Variants in PIK3R5 observed in about 807,000 individuals in gnomAD.
PIK3R5 encodes the protein phosphoinositide-3-kinase regulatory subunit 5.
Under a neutral mutation model 94.9 loss-of-function variants are expected in PIK3R5, and 32 were observed. The ratio of observed to expected loss-of-function variants is 0.34; its 90% CI spans 0.25 to 0.45. The LOEUF is 0.45. Among genes scored for constraint, PIK3R5 ranks in the 20% least tolerant of loss-of-function variants. The pLI is 1.00. For missense variants in PIK3R5, 853 were observed against 1,144.6 expected, an observed-to-expected ratio of 0.75 and a Z score of 3.68; for synonymous variants, 443 against 479.4, an observed-to-expected ratio of 0.92 and a Z score of 0.99.
intron 13 of PIK3R5, 65 bp downstream of exon 13, chr17:8,886,412 G>T: frequency 6.2e-7 from 1 of 1,601,582 alleles, no homozygotes; most frequent in Admixed American, 1.7e-5. Context: ...CTCTCCCGGG[G>T]CAGGGGTGGG....
chr17:8,887,758 T>C (rs449373), intron 10 of PIK3R5, 75 bp from the exon 11 acceptor site: 190,257 of 1,404,516 alleles, frequency 0.14, 17,134 homozygotes, highest in African/African-American at 0.41. Flanking sequence ...TTTGGGAGGC[T>C]GAGGTGGGTG....
At position 8,893,484 on chromosome 17, in the gene PIK3R5, G is replaced by T; in HGVS notation, c.482+102C>A. 1.1e-6 allele frequency: 1 copy of T among 903,826 alleles called. No homozygotes were observed. Among genetic ancestry groups the T allele is most frequent in the East Asian group, 2.5e-5 (1 of 40,392 alleles). 56.0% of individuals were successfully genotyped at this position (903,826 alleles called of 1,614,324 possible). A position where few individuals can be genotyped will look rare whatever the true frequency, so the allele number is the denominator to read the frequency against. On this transcript the variant is annotated intron_variant, in intron 6 of 18. Coordinates refer to ENST00000447110, the MANE Select transcript of PIK3R5 (RefSeq NM_001142633.3). This position sits in a 1 kb window ranked among gnomAD's most constrained non-coding sequence, Gnocchi z 5.1. Reference sequence around the variant, plus strand: ...TTGCTGGCTGGGGTGGACAGGGGGTGGGGGCACTGGATGTTTGAGTGGGGG... The same window carrying T: ...TTGCTGGCTGGGGTGGACAGGGGGTTGGGGCACTGGATGTTTGAGTGGGGG...
At chr17:8,937,807 C>T (rs2091102513) in intron 1 of PIK3R5, among the ~76,000 whole-genome samples, 1 of 152,028 alleles carries the variant, frequency 6.6e-6, no homozygotes, top group Admixed American at 6.6e-5. Flanking sequence ...AGAGAGTTGC[C>T]ATCATTTTTT....
chr17:8,895,743 C>T (rs998897146), intron 5 of PIK3R5, among the ~76,000 whole-genome samples: 21 of 152,178 alleles, frequency 1.4e-4, no homozygotes, highest in African/African-American at 4.3e-4. Context: ...GTGGACTCCA[C>T]GCGACTGTTG....
chr17:8,899,358 C>T (rs1402861099), intron 5 of PIK3R5, among the ~76,000 whole-genome samples: 1 of 152,224 alleles, frequency 6.6e-6, no homozygotes, highest in East Asian at 1.9e-4. Context: ...CCCACCTCCC[C>T]ACGTCCCTTC....
At chr17:8,929,133 C>G (rs1226000058) in intron 1 of PIK3R5, among the ~76,000 whole-genome samples, 1 of 152,000 alleles carries the variant, frequency 6.6e-6, no homozygotes, top group African/African-American at 2.4e-5. Context: ...AAAATGAATT[C>G]TAAAGAATGT....
chr17:8,882,975 C>T lies in PIK3R5; in HGVS notation c.2206-1094G>A, dbSNP rs1287105706. 6.6e-6 allele frequency among the ~76,000 whole-genome samples: 1 copy of T among 152,230 alleles called. No homozygotes were observed. The highest frequency in any genetic ancestry group is 1.5e-5 in the Non-Finnish European group (1 of 68,050). ...TCCTCCACAGAGCTGCCAGAGGGAG[C>T]TTCCAAGCCTCAGATATAATCATGT... On this transcript the variant is annotated intron_variant, in intron 15 of 18. Transcript: ENST00000447110. The surrounding 1 kb of genome is among the most constrained non-coding windows in gnomAD (Gnocchi z 4.1).
At chr17:8,961,703 A>G (rs1391763019) in intron 1 of PIK3R5, among the ~76,000 whole-genome samples, 2 of 152,178 alleles carry the variant, frequency 1.3e-5, no homozygotes, top group African/African-American at 4.8e-5. Flanking sequence ...TTACATCACC[A>G]TGGCAGCAGG....
At chr17:8,916,094 T>A (rs1331772918) in intron 1 of PIK3R5, 3 of 152,292 alleles carry the variant, frequency 2.0e-5, no homozygotes, top group Admixed American at 1.3e-4. Flanking sequence ...TCGCCCCAAG[T>A]TCTTCTCAGA....
rs905973710 is a variant in PIK3R5 at position 8,888,918 on chromosome 17, C to T, written c.896-27G>A. On this transcript the variant is annotated intron_variant, in intron 9 of 18. Coordinates refer to ENST00000447110, the MANE Select transcript of PIK3R5 (RefSeq NM_001142633.3). This position sits in a 1 kb window ranked among gnomAD's most constrained non-coding sequence, Gnocchi z 7.8. Reference sequence around the variant, plus strand: ...TGCAGGGAAGCAAGGCCAGCACTGTCTGGGCGTCTGGGCCCCGGATCCCCT... The same window carrying T: ...TGCAGGGAAGCAAGGCCAGCACTGTTTGGGCGTCTGGGCCCCGGATCCCCT... The T allele has an allele frequency of 1.9e-6, 3 of 1,569,374 alleles. No homozygotes were observed. The highest frequency in any genetic ancestry group is 2.7e-5 in the African/African-American group (2 of 74,168).
At chr17:8,954,083 A>G (rs903971468) in intron 1 of PIK3R5, among the ~76,000 whole-genome samples, 1 of 151,666 alleles carries the variant, frequency 6.6e-6, no homozygotes, top group Non-Finnish European at 1.5e-5. Flanking sequence ...AAAGAAAAAA[A>G]GAAAAAAGAA....
rs1456396537 is a variant in PIK3R5, at chr17:8,892,239, G to A, written c.483-1327C>T. Reference sequence around the variant, plus strand: ...AGAGACAGGACTAGTCTCTGTCAAAGTCCCCATCATTTGGGAAGAAACTCA... The same window carrying A: ...AGAGACAGGACTAGTCTCTGTCAAAATCCCCATCATTTGGGAAGAAACTCA... On this transcript the variant is annotated intron_variant, in intron 6 of 18. Transcript: ENST00000447110. The surrounding 1 kb of genome is among the most constrained non-coding windows in gnomAD (Gnocchi z 4.3). 6.6e-6 allele frequency among the ~76,000 whole-genome samples: 1 copy of A among 152,094 alleles called. No homozygotes were observed. Among genetic ancestry groups the A allele is most frequent in the Non-Finnish European group, 1.5e-5 (1 of 68,010 alleles).
intron 1 of PIK3R5, among the ~76,000 whole-genome samples, chr17:8,942,232 G>A (rs999113002): frequency 3.3e-5 from 5 of 152,120 alleles, no homozygotes; most frequent in African/African-American, 9.7e-5. Context: ...AGTGACCCCA[G>A]GACCTGTGCC....
chr17:8,892,377 TC>T lies in PIK3R5; in HGVS notation c.482+1208del, dbSNP rs964787973. Among the ~76,000 whole-genome samples the T allele has an allele frequency of 2.9e-4, 44 of 152,156 alleles. No individual in the cohort carries two copies. The highest frequency in any genetic ancestry group is 1.0e-3 in the African/African-American group (42 of 41,496). ...CCCTCACCAGCTTGCATAATTTCTCTCCCGAAGAATTTATCATCATTCTCAA... is the reference window on the plus strand; with the variant it reads ...CCCTCACCAGCTTGCATAATTTCTCTCCGAAGAATTTATCATCATTCTCAA... On this transcript the variant is annotated intron_variant, in intron 6 of 18. Coordinates refer to ENST00000447110, the MANE Select transcript of PIK3R5 (RefSeq NM_001142633.3). The surrounding 1 kb of genome is among the most constrained non-coding windows in gnomAD (Gnocchi z 4.3).
At chr17:8,903,582 C>T (rs2090336373) in intron 5 of PIK3R5, among the ~76,000 whole-genome samples, 1 of 151,334 alleles carries the variant, frequency 6.6e-6, no homozygotes, top group Non-Finnish European at 1.5e-5. Flanking sequence ...GTTACGTTTA[C>T]TTTCCTAACA....
At chr17:8,947,143 G>A (rs7210598) in intron 1 of PIK3R5, among the ~76,000 whole-genome samples, 13,485 of 151,276 alleles carry the variant, frequency 0.089, 1,137 homozygotes, top group African/African-American at 0.23. Context: ...GGCTTTTCTC[G>A]TGTGCATCAA....
intron 2 of PIK3R5, among the ~76,000 whole-genome samples, chr17:8,910,450 C>T (rs554346466): frequency 1.3e-5 from 2 of 152,340 alleles, no homozygotes; most frequent in South Asian, 2.1e-4. Context: ...TGTGCCAATA[C>T]AGTGCTAGGC....
At chr17:8,921,076 G>A (rs1286300105) in intron 1 of PIK3R5, among the ~76,000 whole-genome samples, 1 of 151,806 alleles carries the variant, frequency 6.6e-6, no homozygotes, top group Admixed American at 6.6e-5. Flanking sequence ...CCTGACCTCA[G>A]GTGATCCACC....
chr17:8,944,533 T>C (rs2091241277), intron 1 of PIK3R5, among the ~76,000 whole-genome samples: 1 of 152,214 alleles, frequency 6.6e-6, no homozygotes, highest in African/African-American at 2.4e-5. Context: ...TGAATAAAGC[T>C]CCTTCAGGCA....
Sources: allele counts gnomAD v4.1 joint callset (sites outside exome capture counted in the v4.1 genomes callset), GRCh38; gene constraint gnomAD v4.1.1; non-coding constraint Gnocchi (gnomAD v3.1); transcripts MANE v1.5; gene names NCBI Gene and HGNC (gene_info 2026-07-23, HGNC 2026-07-21).